SP140: variants seen among roughly 807,000 people sequenced by gnomAD.
SP140 encodes SP140 nuclear body protein.
A neutral mutation model predicts 125.0 loss-of-function variants in SP140; 81 were observed. The ratio of observed to expected loss-of-function variants is 0.65; its 90% CI spans 0.54 to 0.78. The LOEUF is 0.78. SP140 is among the 30% of genes least tolerant of loss of function. The pLI is 0.00. For missense variants in SP140, 858 were observed against 1,037.0 expected (o/e 0.83, Z 2.37); for synonymous variants, 312 against 354.0 (o/e 0.88, Z 1.33).
chr2:230,293,587 C>T (rs967155649), intron 20 of SP140, among the ~76,000 whole-genome samples: 150 of 152,132 alleles, frequency 9.9e-4, no homozygotes, highest in Non-Finnish European at 1.6e-3. Flanking sequence ...GAGGCCTCCT[C>T]GGCCTCCCAA....
At chr2:230,253,669 T>A (rs1219038173) in intron 11 of SP140, among the ~76,000 whole-genome samples, 1 of 151,990 alleles carries the variant, frequency 6.6e-6, no homozygotes, top group African/African-American at 2.4e-5. Flanking sequence ...ATGCCAGAGG[T>A]AGGCTGGGGG....
In SP140 at chr2:230,275,851, T is replaced by C. The variant is rs1575157771; in HGVS notation, c.1498+5212T>C. 2.6e-5 allele frequency among the ~76,000 whole-genome samples: 4 copies of C among 152,152 alleles called. No homozygotes were observed. The East Asian group carries it at 7.7e-4, about 29-fold the overall frequency. ...AAGTAGAACAGTCTTATCGCTGATA[T>C]GGAGAAAGTATGAGTGGTCTGGATA... On this transcript the variant is annotated intron_variant, in intron 15 of 26. Coordinates refer to ENST00000392045, the MANE Select transcript of SP140 (RefSeq NM_007237.5).
chr2:230,295,077 C>G (rs919338045), intron 21 of SP140, among the ~76,000 whole-genome samples: 1 of 152,198 alleles, frequency 6.6e-6, no homozygotes, highest in African/African-American at 2.4e-5. Flanking sequence ...ATTTTTCCCT[C>G]TCTTGAAGAA....
At position 230,241,471 on chromosome 2, in the gene SP140, A is replaced by G; in HGVS notation, c.474A>G (p.Leu158=). ...ATTTAGAAGATAGACCCAGATTACT[A>G]CCATATGGTAAACAAGGTAACTATC... ...VNDLEDRPRL[L]PYGKQENSNA... is the part of the protein sequence containing the mutation. The change falls in exon 4 of 27, where the codon CTA becomes CTG. Residue 158 remains leucine (L), a synonymous_variant. Transcript: ENST00000392045. 6.4e-7 allele frequency: 1 copy of G among 1,570,220 alleles called. No individual in the cohort carries two copies. Among genetic ancestry groups the G allele is most frequent in the Non-Finnish European group, 8.8e-7 (1 of 1,140,148 alleles).
intron 22 of SP140, among the ~76,000 whole-genome samples, chr2:230,307,627 C>T (rs1481546623): frequency 6.6e-6 from 1 of 152,224 alleles, no homozygotes; most frequent in African/African-American, 2.4e-5. Context: ...CTGGAGTTGC[C>T]TGCCCTTATG....
chr2:230,292,905 T>C, intron 20 of SP140, 117 bp downstream of exon 20: 1 of 1,461,830 alleles, frequency 6.8e-7, no homozygotes, highest in African/African-American at 1.4e-5. Context: ...CCAGTGGGTT[T>C]ATCCTCTCAC....
At chr2:230,226,763 A>AAAAAAAAAAAG (rs1491157577) in intron 1 of SP140, among the ~76,000 whole-genome samples, 17 of 15,472 alleles carry the variant, frequency 1.1e-3, no homozygotes, top group Admixed American at 7.1e-4. Context: ...ATTCCATCTC[A>AAAAAAAAAAAG]AAAAAAAAAA....
rs1423581133 is a variant in SP140, at chr2:230,238,365, C to T, written c.390C>T (p.Tyr130=). The T allele has an allele frequency of 5.6e-6, 9 of 1,610,298 alleles. No homozygotes were observed. Among genetic ancestry groups the T allele is most frequent in the Non-Finnish European group, 6.8e-6 (8 of 1,179,152 alleles). ...CCTATCCTGATTTAAACGAGATTTA[C>T]AGAAGCTTCCAGAATGGTAACTATA... ...LMAYPDLNEI[Y]RSFQNVCYEH... The change falls in exon 3 of 27, where the codon TAC becomes TAT. Residue 130 remains tyrosine, a synonymous_variant. Coordinates refer to ENST00000392045, the MANE Select transcript of SP140 (RefSeq NM_007237.5).
At chr2:230,244,935 G>A in intron 5 of SP140, 53 bp from the exon 6 acceptor site, 3 of 1,294,404 alleles carry the variant, frequency 2.3e-6, no homozygotes, top group Non-Finnish European at 2.2e-6. Context: ...CCAGGATTCA[G>A]CAGGAGCATC....
chr2:230,266,461 C>T (rs1463183061), intron 12 of SP140, among the ~76,000 whole-genome samples: 2 of 152,164 alleles, frequency 1.3e-5, no homozygotes, highest in Non-Finnish European at 2.9e-5. Flanking sequence ...TGGTTGTGTT[C>T]GTTTTTCATT....
chr2:230,233,976 C>T (rs766891824), intron 1 of SP140, among the ~76,000 whole-genome samples: 6 of 152,192 alleles, frequency 3.9e-5, no homozygotes, highest in Non-Finnish European at 8.8e-5. Context: ...GGGTCCCTAA[C>T]CCCACTTTGA....
intron 5 of SP140, among the ~76,000 whole-genome samples, chr2:230,244,213 T>C (rs1465530): frequency 0.64 from 97,049 of 152,120 alleles, 31,312 homozygotes; most frequent in African/African-American, 0.71. Flanking sequence ...TACTATCTTA[T>C]CTAGTTATTG....
At chr2:230,222,479 G>A (rs576921637), upstream of SP140, among the ~76,000 whole-genome samples, 1 of 152,258 alleles carries the variant, frequency 6.6e-6, no homozygotes, top group Non-Finnish European at 1.5e-5. Context: ...AGCATTCTGG[G>A]AGGTCAAAGC....
intron 15 of SP140, among the ~76,000 whole-genome samples, chr2:230,280,090 A>G (rs550664047): frequency 6.6e-5 from 10 of 152,178 alleles, no homozygotes; most frequent in African/African-American, 2.2e-4. Flanking sequence ...GTCCATAGTA[A>G]TTTAAATTTT....
intron 12 of SP140, among the ~76,000 whole-genome samples, chr2:230,267,101 C>A (rs963731890): frequency 6.6e-6 from 1 of 152,090 alleles, no homozygotes; most frequent in African/African-American, 2.4e-5. Context: ...TTTTCCCAAG[C>A]AAATAATATT....
At chr2:230,221,689 G>A (rs777143931), upstream of SP140, 2 of 1,535,584 alleles carry the variant, frequency 1.3e-6, no homozygotes, top group South Asian at 2.4e-5. Context: ...TTATGCAAAT[G>A]TCACATGTCA....
In SP140 at chr2:230,312,679, A is replaced by G; in HGVS notation, c.2599A>G (p.Asn867Asp). The G allele has an allele frequency of 6.2e-7, 1 of 1,604,602 alleles. No homozygotes were observed. The highest frequency in any genetic ancestry group is 2.2e-5 in the East Asian group (1 of 44,808). ...TGCTATTCAGGAAACAAATGGGAACAATTGACTGGATTAGTGGATGCTGAA... is the reference window on the plus strand; with the variant it reads ...TGCTATTCAGGAAACAAATGGGAACGATTGACTGGATTAGTGGATGCTGAA... ...VFAIQETNGN[N>D] is the part of the protein sequence containing the mutation. Residue 867 changes from asparagine to aspartate, a missense_variant, in exon 27 of 27, where the codon AAT becomes GAT. By Grantham distance (23) the Asn-to-Asp change is conservative (BLOSUM62 1). Transcript: ENST00000392045.
At chr2:230,304,187 A>T (rs1043515340) in intron 22 of SP140, among the ~76,000 whole-genome samples, 1 of 152,206 alleles carries the variant, frequency 6.6e-6, no homozygotes, top group African/African-American at 2.4e-5. Flanking sequence ...TTAGGAATGT[A>T]CCTAACCACA....
chr2:230,254,984 C>G (rs563581382), intron 11 of SP140, among the ~76,000 whole-genome samples: 24 of 152,266 alleles, frequency 1.6e-4, no homozygotes, highest in African/African-American at 5.5e-4. Flanking sequence ...TCCACTATCC[C>G]AGGAATGCCT....
Sources: gnomAD v4.1 joint callset for allele counts (sites outside exome capture counted in the v4.1 genomes callset) on GRCh38, gnomAD v4.1.1 for gene constraint, MANE v1.5 for transcripts, NCBI Gene and HGNC (gene_info 2026-07-23, HGNC 2026-07-21) for gene names.